FGF1: variants seen among roughly 807,000 people sequenced by gnomAD.
The protein encoded by FGF1 is beta-endothelial cell growth factor.
FGF1 carries 9 observed loss-of-function variants against 13.4 expected under a neutral mutation model. That is an observed-to-expected ratio of 0.67 (90% CI 0.40 to 1.17). FGF1 has a LOEUF of 1.17. Among genes scored for constraint, FGF1 ranks in the 50% most tolerant of loss-of-function variants. FGF1 has a pLI of 0.01. For missense variants in FGF1, 156 were observed against 192.7 expected (o/e 0.81, Z 1.13); for synonymous variants, 93 against 79.0 (o/e 1.18, Z -0.94).
At chr5:142,670,411 C>T (rs1029834626) in intron 1 of FGF1, among the ~76,000 whole-genome samples, 1 of 152,178 alleles carries the variant, frequency 6.6e-6, no homozygotes, top group Admixed American at 6.5e-5. Flanking sequence ...AGGCCTATGT[C>T]AAATGCTACC....
intron 1 of FGF1, among the ~76,000 whole-genome samples, chr5:142,646,461 T>C (rs1766137189): frequency 6.6e-6 from 1 of 151,408 alleles, no homozygotes; most frequent in Admixed American, 6.6e-5. Context: ...CAAGCAATTT[T>C]CCTGCCTCAG....
At chr5:142,667,924 C>T (rs1485368547) in intron 1 of FGF1, among the ~76,000 whole-genome samples, 1 of 152,232 alleles carries the variant, frequency 6.6e-6, no homozygotes, top group Non-Finnish European at 1.5e-5. Context: ...TCTGGCCTCG[C>T]TCCCACTGAC....
chr5:142,592,506 A>G lies in FGF1; in HGVS notation c.*2784T>C, dbSNP rs1754453599. ...TCACATTGCAAACGACCAAAAGCACATATGTTCATGATGCTTTGTTCAGAG... is the reference window on the plus strand; with the variant it reads ...TCACATTGCAAACGACCAAAAGCACGTATGTTCATGATGCTTTGTTCAGAG... On this transcript the variant is annotated 3_prime_UTR_variant, in exon 4 of 4. Transcript: ENST00000337706. 2.5e-6 allele frequency: 1 copy of G among 398,438 alleles called. No homozygotes were observed. Among genetic ancestry groups the G allele is most frequent in the East Asian group, 3.6e-5 (1 of 28,082 alleles). 24.7% of individuals were successfully genotyped at this position (398,438 alleles called of 1,614,324 possible). A position where few individuals can be genotyped will look rare whatever the true frequency, so the allele number is the denominator to read the frequency against.
rs1233263662 is a variant in FGF1, at chr5:142,593,721, C to T, written c.*1569G>A. ...CATTGTATCCTATTACTATCATTCT[C>T]AGTGCCTGAATACTAATCAGTTTAA... On this transcript the variant is annotated 3_prime_UTR_variant, in exon 4 of 4. Transcript: ENST00000337706. 6.6e-6 allele frequency: 1 copy of T among 152,652 alleles called. No individual in the cohort carries two copies. The highest frequency in any genetic ancestry group is 1.9e-4 in the East Asian group (1 of 5,202). 9.5% of individuals were successfully genotyped at this position (152,652 alleles called of 1,614,324 possible). A position where few individuals can be genotyped will look rare whatever the true frequency, so the allele number is the denominator to read the frequency against.
upstream of FGF1, among the ~76,000 whole-genome samples, chr5:142,689,084 C>T (rs1246485980): frequency 6.6e-6 from 1 of 152,148 alleles, no homozygotes; most frequent in African/African-American, 2.4e-5. Flanking sequence ...GAACATAAGC[C>T]CTGGTGTCTT....
At chr5:142,618,929 G>GTTTTTTTTTTTTTTTTTTT (rs869093279) in intron 1 of FGF1, among the ~76,000 whole-genome samples, 1 of 61,252 alleles carries the variant, frequency 1.6e-5, no homozygotes, top group Non-Finnish European at 2.9e-5. Context: ...TAGTTGTTTT[G>GTTTTTTTTTTTTTTTTTTT]TTTTTTTTTT....
At chr5:142,669,993 C>T (rs1031079997) in intron 1 of FGF1, among the ~76,000 whole-genome samples, 1 of 152,160 alleles carries the variant, frequency 6.6e-6, no homozygotes, top group African/African-American at 2.4e-5. Flanking sequence ...CTGGTCTGCA[C>T]TGCCCGAAGC....
intron 1 of FGF1, among the ~76,000 whole-genome samples, chr5:142,684,215 G>A (rs961715874): frequency 6.6e-6 from 1 of 152,184 alleles, no homozygotes; most frequent in Non-Finnish European, 1.5e-5. Flanking sequence ...GTCCCAAGAT[G>A]AGATGTCCCT....
rs17223479 is a variant in FGF1, at chr5:142,633,612, G to C, written c.-34-19451C>G. ...CTACCTGAGGGATGCTCTTCCAGCAGTGTGGGCCTGTGACTCTTGCCGGAG... is the reference window on the plus strand; with the variant it reads ...CTACCTGAGGGATGCTCTTCCAGCACTGTGGGCCTGTGACTCTTGCCGGAG... On this transcript the variant is annotated intron_variant, in intron 1 of 3. Transcript: ENST00000337706. 5.7e-4 allele frequency among the ~76,000 whole-genome samples: 87 copies of C among 152,340 alleles called. 1 individual carries two copies. The highest frequency in any genetic ancestry group is 2.0e-3 in the African/African-American group (85 of 41,578).
chr5:142,643,296 T>TACACACAC (rs57043408), intron 1 of FGF1, among the ~76,000 whole-genome samples: 7 of 149,770 alleles, frequency 4.7e-5, no homozygotes, highest in African/African-American at 1.7e-4. Context: ...GACTACAAAT[T>TACACACAC]ACACACACAC....
chr5:142,610,101 T>C (rs574195875), intron 2 of FGF1, among the ~76,000 whole-genome samples: 1 of 152,316 alleles, frequency 6.6e-6, no homozygotes, highest in East Asian at 1.9e-4. Context: ...GCCTGTCAAC[T>C]GCAGTGTTCT....
chr5:142,660,404 C>T (rs1768994576), intron 1 of FGF1, among the ~76,000 whole-genome samples: 1 of 152,240 alleles, frequency 6.6e-6, no homozygotes, highest in Non-Finnish European at 1.5e-5. Context: ...GCTGGTCTCT[C>T]TTGGCTGGGT....
upstream of FGF1, among the ~76,000 whole-genome samples, chr5:142,690,483 TGGA>T (rs1752019956): frequency 6.6e-6 from 1 of 152,246 alleles, no homozygotes; most frequent in Non-Finnish European, 1.5e-5. Context: ...TTTGAATGTA[TGGA>T]TCCTTTCAGG....
rs751930494 is a variant in FGF1 at position 142,641,811 on chromosome 5, C to T, written c.-34-27650G>A. 2.4e-4 allele frequency among the ~76,000 whole-genome samples: 36 copies of T among 151,340 alleles called. 2 individuals are homozygous for T. Among genetic ancestry groups the T allele is most frequent in the African/African-American group, 6.6e-4 (27 of 40,856 alleles). On this transcript the variant is annotated intron_variant, in intron 1 of 3. Coordinates refer to ENST00000337706, the MANE Select transcript of FGF1 (RefSeq NM_000800.5). ...TCAATTTCGGTTTACAAATGGAATA[C>T]GTAAAGAGAATCTTATGATTCCATT... is the stretch of plus-strand genomic sequence containing the variant.
rs138819174 is a variant in FGF1, at chr5:142,606,718, A to T, written c.170-5913T>A. The stretch of plus-strand genomic sequence containing the variant: ...TGCACCAGATACTGACCAGATTCAT[A>T]CAAGTAGCTGCTTTGGGAAGGATAA... On this transcript the variant is annotated intron_variant, in intron 2 of 3. Transcript: ENST00000337706. Among the ~76,000 whole-genome samples the T allele has an allele frequency of 2.8e-4, 43 of 152,364 alleles. No homozygotes were observed. In the East Asian group the frequency reaches 5.4e-3, roughly 19 times the overall value.
At chr5:142,661,485 A>G (rs1226857528) in intron 1 of FGF1, among the ~76,000 whole-genome samples, 1 of 152,244 alleles carries the variant, frequency 6.6e-6, no homozygotes, top group Non-Finnish European at 1.5e-5. Flanking sequence ...GCACCTAAGT[A>G]TGCAACTAAG....
chr5:142,693,596 A>T (rs144957797), intron 2 of FGF1, among the ~76,000 whole-genome samples: 13 of 152,324 alleles, frequency 8.5e-5, no homozygotes, highest in African/African-American at 3.1e-4. Context: ...GTTTTGGTAT[A>T]TTTACAAAGT....
chr5:142,609,734 T>C (rs889988056), intron 2 of FGF1, among the ~76,000 whole-genome samples: 1 of 152,062 alleles, frequency 6.6e-6, no homozygotes, highest in East Asian at 1.9e-4. Flanking sequence ...ATCAATACCA[T>C]TTTTTTTGAG....
At chr5:142,691,611 G>T (rs550780131) in intron 2 of FGF1, among the ~76,000 whole-genome samples, 3 of 151,906 alleles carry the variant, frequency 2.0e-5, no homozygotes, top group African/African-American at 4.8e-5. Flanking sequence ...TCTCAAGCTC[G>T]AGTGTGCACT....
Sources: allele counts gnomAD v4.1 joint callset (sites outside exome capture counted in the v4.1 genomes callset), GRCh38; gene constraint gnomAD v4.1.1; transcripts MANE v1.5; gene names NCBI Gene and HGNC (gene_info 2026-07-23, HGNC 2026-07-21).